Variants in ZNF536 observed in about 807,000 individuals in gnomAD.
The protein encoded by ZNF536 is zinc finger protein 536.
In ZNF536, 13 loss-of-function variants were observed where a neutral mutation model predicts 84.5. The ratio of observed to expected loss-of-function variants is 0.15; its 90% CI spans 0.10 to 0.24. ZNF536 has a LOEUF of 0.24. Ranked by LOEUF, ZNF536 falls within the 10% of genes least tolerant of loss-of-function variation. The pLI is 1.00. For missense variants in ZNF536, 1,536 were observed against 1,747.5 expected (o/e 0.88, Z 2.16); for synonymous variants, 811 against 742.5 (o/e 1.09, Z -1.50).
intron 2 of ZNF536, among the ~76,000 whole-genome samples, chr19:30,463,814 G>T (rs1025744550): frequency 6.6e-6 from 1 of 152,142 alleles, no homozygotes; most frequent in Non-Finnish European, 1.5e-5. Context: ...GAGGGAGCGT[G>T]GGGGTTTGAG....
intron 2 of ZNF536, among the ~76,000 whole-genome samples, chr19:30,297,469 G>T (rs1290129759): frequency 6.6e-6 from 1 of 152,008 alleles, no homozygotes; most frequent in African/African-American, 2.4e-5. Flanking sequence ...CAATTCAGAG[G>T]GCTGGCATGT....
At chr19:30,252,583 C>T (rs1267488581) in intron 1 of ZNF536, among the ~76,000 whole-genome samples, 3 of 144,724 alleles carry the variant, frequency 2.1e-5, no homozygotes, top group African/African-American at 7.7e-5. Context: ...GAGACACCTG[C>T]CTACCATTTT....
intron 1 of ZNF536, among the ~76,000 whole-genome samples, chr19:30,614,537 AC>A (rs1255633589): frequency 6.6e-6 from 1 of 151,998 alleles, no homozygotes; most frequent in Non-Finnish European, 1.5e-5. Flanking sequence ...AAAGATGGAA[AC>A]CTTTGCCCAT....
chr19:30,630,402 T>A (rs866095171), intron 1 of ZNF536, among the ~76,000 whole-genome samples: 475 of 2,508 alleles, frequency 0.19, 1 homozygote, highest in Non-Finnish European at 0.23. Flanking sequence ...AAGTATCCCG[T>A]GTGTGTGTGT....
chr19:30,552,228 C>T (rs749979171), intron 4 of ZNF536, among the ~76,000 whole-genome samples: 3 of 152,126 alleles, frequency 2.0e-5, no homozygotes, highest in African/African-American at 7.2e-5. Flanking sequence ...TTTCTAAATC[C>T]GCCTACCAGG....
intron 1 of ZNF536, among the ~76,000 whole-genome samples, chr19:30,679,438 GT>G (rs2050882199): frequency 1.3e-5 from 2 of 152,186 alleles, no homozygotes; most frequent in Admixed American, 1.3e-4. Context: ...AAACCCTAGG[GT>G]GTGAGGCTTT....
At chr19:30,259,525 C>T (rs950731015) in intron 1 of ZNF536, among the ~76,000 whole-genome samples, 8 of 152,176 alleles carry the variant, frequency 5.3e-5, no homozygotes, top group Non-Finnish European at 8.8e-5. Flanking sequence ...TTTAACAAGT[C>T]CTCTAGGTGA....
At chr19:30,642,442 G>T (rs970852341) in intron 1 of ZNF536, among the ~76,000 whole-genome samples, 2 of 152,096 alleles carry the variant, frequency 1.3e-5, no homozygotes, top group South Asian at 2.1e-4. Context: ...TGCCTTCCAG[G>T]TTAAGCCCCA....
At position 30,617,333 on chromosome 19, in the gene ZNF536, C is replaced by CTTTTTTTTTTTTTTTTTT. The variant is rs556835599; in HGVS notation, c.169+67835_169+67852dup. On this transcript the variant is annotated intron_variant, in intron 1 of 1. Coordinates refer to the ZNF536 transcript ENST00000592773. ...GAGTCCACCATATCTGAATAGCTTA[C>CTTTTTTTTTTTTTTTTTT]TTTTTTTTTTTTTTTTTTTTTTTTT... Among the ~76,000 whole-genome samples, 38 of 37,706 alleles carry CTTTTTTTTTTTTTTTTTT rather than the reference C, an allele frequency of 1.0e-3. 15 individuals are homozygous for CTTTTTTTTTTTTTTTTTT. The highest frequency in any genetic ancestry group is 4.4e-3 in the South Asian group (2 of 456). 24.7% of individuals were successfully genotyped at this position (37,706 alleles called of 152,430 possible).
chr19:30,335,123 C>T (rs988714885), intron 2 of ZNF536, among the ~76,000 whole-genome samples: 11 of 152,146 alleles, frequency 7.2e-5, no homozygotes, highest in Admixed American at 5.9e-4. Flanking sequence ...AGAGGAGTCA[C>T]GCAGGAGGCA....
At chr19:30,460,419 T>C (rs3826857) in intron 2 of ZNF536, among the ~76,000 whole-genome samples, 45,767 of 151,992 alleles carry the variant, frequency 0.3, 7,822 homozygotes, top group African/African-American at 0.47. Flanking sequence ...CTGCTCAGGA[T>C]ACCTGAAGAG....
chr19:30,522,289 T>G (rs1265538766), intron 2 of ZNF536, among the ~76,000 whole-genome samples: 1 of 37,936 alleles, frequency 2.6e-5, no homozygotes, highest in African/African-American at 1.1e-4. Flanking sequence ...ATATAATATA[T>G]ATATAATTTT....
chr19:30,510,714 C>T (rs1356492130), intron 2 of ZNF536, among the ~76,000 whole-genome samples: 2 of 152,200 alleles, frequency 1.3e-5, no homozygotes, highest in Non-Finnish European at 2.9e-5. Flanking sequence ...GTAGGTGGCT[C>T]TCAGCCCAGA....
intron 1 of ZNF536, among the ~76,000 whole-genome samples, chr19:30,233,302 G>A (rs1340092011): frequency 6.6e-6 from 1 of 151,922 alleles, no homozygotes; most frequent in Non-Finnish European, 1.5e-5. Context: ...CTCTGAGTGA[G>A]TTGAGGCTGG....
Position 30,548,226 on chromosome 19 carries a change from C to T in ZNF536, c.2607C>T (p.His869=), listed in dbSNP as rs758966543. ...WTSGVLSSGD[H]SGQATGMSSE... ...CAGGGGTTCTCTCCTCTGGAGATCA[C>T]TCGGGGCAGGCCACGGGCATGTCTT... The change falls in exon 4 of 5, where the codon CAC becomes CAT. Residue 869 remains histidine (H), a synonymous_variant. Coordinates refer to ENST00000355537, the MANE Select transcript of ZNF536 (RefSeq NM_014717.3). 31 of 1,614,220 alleles carry T rather than the reference C, an allele frequency of 1.9e-5. No individual in the cohort carries two copies. The South Asian group carries it at 3.4e-4, about 18-fold the overall frequency.
chr19:30,336,385 C>T (rs1024567623), intron 2 of ZNF536, among the ~76,000 whole-genome samples: 9 of 152,162 alleles, frequency 5.9e-5, no homozygotes, highest in African/African-American at 1.4e-4. Flanking sequence ...GACACCTCCA[C>T]GTGGAATGCA....
intron 3 of ZNF536, among the ~76,000 whole-genome samples, chr19:30,546,053 C>T (rs1393197944): frequency 1.3e-5 from 2 of 152,222 alleles, no homozygotes; most frequent in African/African-American, 2.4e-5. Flanking sequence ...TGGGCCCCAT[C>T]ACAACCCCTC....
chr19:30,696,215 T>C (rs2051650490), intron 1 of ZNF536, among the ~76,000 whole-genome samples: 1 of 152,050 alleles, frequency 6.6e-6, no homozygotes, highest in African/African-American at 2.4e-5. Context: ...TAAGCACCTC[T>C]CCCCCAGCCC....
intron 1 of ZNF536, among the ~76,000 whole-genome samples, chr19:30,389,257 C>T (rs1170260744): frequency 6.6e-6 from 1 of 152,146 alleles, no homozygotes; most frequent in East Asian, 1.9e-4. Flanking sequence ...TGCGGAAGGC[C>T]AACCATGTGG....
Sources: gnomAD v4.1 joint callset for allele counts (sites outside exome capture counted in the v4.1 genomes callset) on GRCh38, gnomAD v4.1.1 for gene constraint, MANE v1.5 for transcripts, NCBI Gene and HGNC (gene_info 2026-07-23, HGNC 2026-07-21) for gene names.